DICER1: variants seen among roughly 807,000 people sequenced by gnomAD.
DICER1 encodes endoribonuclease Dicer.
DICER1 carries 43 observed loss-of-function variants against 194.1 expected under a neutral mutation model. That is an observed-to-expected ratio of 0.22 (90% CI 0.17 to 0.29). The LOEUF is 0.29. Ranked by LOEUF, DICER1 falls within the 10% of genes least tolerant of loss-of-function variation. The pLI is 1.00. For synonymous variants in DICER1, 832 were observed against 820.5 expected, an observed-to-expected ratio of 1.01 and a Z score of -0.24; for missense variants, 1,608 against 2,317.0, an observed-to-expected ratio of 0.69 and a Z score of 6.28.
rs1595352097 is a variant in DICER1 at position 95,099,746 on chromosome 14, ACACACACACACACACACACACACAC to A, written c.4206+9_4206+33del. On this transcript the variant is annotated intron_variant, in intron 22 of 26. Transcript: ENST00000343455. Reference sequence around the variant, plus strand: ...TCCCTCCAGTTACACACACACACACACACACACACACACACACACACACACAAACTTACCATTTCATCTTTTTCCC... The same window carrying A: ...TCCCTCCAGTTACACACACACACACAAAACTTACCATTTCATCTTTTTCCC... The A allele has an allele frequency of 1.8e-5, 26 of 1,457,900 alleles. No individual in the cohort carries two copies. The highest frequency in any genetic ancestry group is 2.3e-5 in the Non-Finnish European group (25 of 1,065,098). 90.3% of individuals were successfully genotyped at this position (1,457,900 alleles called of 1,614,324 possible).
rs369630896 is a variant in DICER1 at position 95,112,913 on chromosome 14, A to G, written c.2040+179T>C. On this transcript the variant is annotated intron_variant, in intron 12 of 26. Coordinates refer to ENST00000343455, the MANE Select transcript of DICER1 (RefSeq NM_177438.3). ...GACTACAAAAGCAATCTATAAATCT[A>G]CTTTTGAAAGTAAATTTGGTTTTTA... Among the ~76,000 whole-genome samples, 44 of 152,368 alleles carry G rather than the reference A, an allele frequency of 2.9e-4. 1 individual carries two copies. The East Asian group carries it at 6.7e-3, about 23-fold the overall frequency.
At chr14:95,115,941 T>C in intron 10 of DICER1, 120 bp from the exon 11 acceptor site, 1 of 997,274 alleles carries the variant, frequency 1.0e-6, no homozygotes, top group East Asian at 2.6e-5. Flanking sequence ...TAAACATACT[T>C]CAGTACTCCA....
chr14:95,095,821 T>G lies in DICER1; in HGVS notation c.5095+4A>C, dbSNP rs1890255119. 6.2e-7 allele frequency: 1 copy of G among 1,614,072 alleles called. No individual in the cohort carries two copies. Among genetic ancestry groups the G allele is most frequent in the Non-Finnish European group, 8.5e-7 (1 of 1,179,974 alleles). On this transcript the variant is annotated splice_donor_region_variant and intron_variant, in intron 23 of 26. Coordinates refer to ENST00000343455, the MANE Select transcript of DICER1 (RefSeq NM_177438.3). ...GAAATGAAGTCTGGTCGTGGGCTCC[T>G]TACCAGTGATAGTATTGTAGTGGTA...
At chr14:95,130,242 T>C (rs1233176981) in intron 4 of DICER1, 50 bp from the exon 5 acceptor site, 1 of 1,563,386 alleles carries the variant, frequency 6.4e-7, no homozygotes, top group African/African-American at 1.4e-5. Flanking sequence ...ACTGCCTGGA[T>C]ATACTTACAT....
In DICER1 at chr14:95,096,061, C is replaced by G. The variant is rs1555367601; in HGVS notation, c.4859G>C (p.Ser1620Thr). The G allele has an allele frequency of 6.2e-7, 1 of 1,614,216 alleles. No homozygotes were observed. The highest frequency in any genetic ancestry group is 8.5e-7 in the Non-Finnish European group (1 of 1,180,036). Residue 1620 changes from serine (S) to threonine (T), a missense_variant, in exon 23 of 27, where the codon AGC becomes ACC. Physicochemically the swap from Ser to Thr is moderately conservative, Grantham distance 58. Coordinates refer to ENST00000343455, the MANE Select transcript of DICER1 (RefSeq NM_177438.3). ...FNSQQKNLSVSCAAASVASSR... is the reference protein window; with the variant it reads ...FNSQQKNLSVTCAAASVASSR... ...ACTGGCCACAGAAGCAGCAGCACAG[C>G]TCACTGAAAGGTTCTTTTGTTGGCT...
At chr14:95,147,293 C>T (rs1168890345) in intron 1 of DICER1, among the ~76,000 whole-genome samples, 1 of 152,124 alleles carries the variant, frequency 6.6e-6, no homozygotes, top group East Asian at 1.9e-4. Flanking sequence ...TGGCAAAACC[C>T]CATCTCTACT....
intron 1 of DICER1, among the ~76,000 whole-genome samples, chr14:95,148,137 C>T (rs188603115): frequency 2.0e-3 from 301 of 152,312 alleles, no homozygotes; most frequent in Non-Finnish European, 3.4e-3. Context: ...CCAAGCCCTC[C>T]CAGAGCAAAC....
chr14:95,115,712 CCAT>C lies in DICER1; in HGVS notation c.1859_1861del (p.Asp620del), dbSNP rs751955140. 6 of 1,614,132 alleles carry C rather than the reference CCAT, an allele frequency of 3.7e-6. No homozygotes were observed. The South Asian group carries it at 6.6e-5, about 18-fold the overall frequency. ...CGTGTTGATTGTGACTCGTGGACCACCATCGTCAGGCCTCAACACATATGGTGG... is the reference window on the plus strand; with the variant it reads ...CGTGTTGATTGTGACTCGTGGACCACCGTCAGGCCTCAACACATATGGTGG... On this transcript the variant is annotated inframe_deletion, in exon 11 of 27. Transcript: ENST00000343455.
rs1457724913 is a variant in DICER1, at chr14:95,124,843, G to A, written c.904-175C>T. Among the ~76,000 whole-genome samples, 2 of 152,114 alleles carry A rather than the reference G, an allele frequency of 1.3e-5. No individual in the cohort carries two copies. The highest frequency in any genetic ancestry group is 2.1e-4 in the South Asian group (1 of 4,830). ...CCATTAGCCTTTTCAAGCTCATTTC[G>A]TATGTATATGCCTAGAACCATCTCC... On this transcript the variant is annotated intron_variant, in intron 7 of 26. Coordinates refer to ENST00000343455, the MANE Select transcript of DICER1 (RefSeq NM_177438.3). This position sits in a 1 kb window ranked among gnomAD's most constrained non-coding sequence, Gnocchi z 4.5.
chr14:95,096,007 T>G lies in DICER1; in HGVS notation c.4913A>C (p.Glu1638Ala). The change falls in exon 23 of 27, where the codon GAA becomes GCA. Residue 1638 changes from glutamate to alanine, a missense_variant. Glu to Ala is a moderately radical substitution (Grantham distance 107). Transcript: ENST00000343455. Reference sequence around the variant, plus strand: ...TGGTGGAATCTTCAAACAACCATATTCCGAGTCTTTCAATACAGAAGAGCG... The same window carrying G: ...TGGTGGAATCTTCAAACAACCATATGCCGAGTCTTTCAATACAGAAGAGCG... ...SSRSSVLKDS[E>A]YGCLKIPPRC... 1 of 1,614,232 alleles carries G rather than the reference T, an allele frequency of 6.2e-7. No individual in the cohort carries two copies. Among genetic ancestry groups the G allele is most frequent in the South Asian group, 1.1e-5 (1 of 91,086 alleles).
chr14:95,152,664 G>C (rs903689016), intron 1 of DICER1, among the ~76,000 whole-genome samples: 3 of 152,182 alleles, frequency 2.0e-5, no homozygotes, highest in East Asian at 1.9e-4. Context: ...ATGTTTTGTA[G>C]CATCTTCTTA....
At position 95,107,529 on chromosome 14, in the gene DICER1, C is replaced by A. The variant is rs1326820760; in HGVS notation, c.2804+79G>T. ...CCTCCCAAAGTGCTGGGACTGCAGG[C>A]GTGAGCCACCGTGCCCGACCTAGTG... is the stretch of plus-strand genomic sequence containing the variant. On this transcript the variant is annotated intron_variant, in intron 17 of 26. Transcript: ENST00000343455. The A allele has an allele frequency of 2.8e-6, 4 of 1,446,930 alleles. No homozygotes were observed. The East Asian group carries it at 9.1e-5, about 33-fold the overall frequency. 89.6% of individuals were successfully genotyped at this position (1,446,930 alleles called of 1,614,324 possible).
In DICER1 at chr14:95,124,841, T is replaced by G. The variant is rs1392162164; in HGVS notation, c.904-173A>C. 6.6e-6 allele frequency among the ~76,000 whole-genome samples: 1 copy of G among 152,224 alleles called. No homozygotes were observed. Among genetic ancestry groups the G allele is most frequent in the Admixed American group, 6.5e-5 (1 of 15,280 alleles). On this transcript the variant is annotated intron_variant, in intron 7 of 26. Transcript: ENST00000343455. This position sits in a 1 kb window ranked among gnomAD's most constrained non-coding sequence, Gnocchi z 4.5. ...GGCCATTAGCCTTTTCAAGCTCATTTCGTATGTATATGCCTAGAACCATCT... is the reference window on the plus strand; with the variant it reads ...GGCCATTAGCCTTTTCAAGCTCATTGCGTATGTATATGCCTAGAACCATCT...
At chr14:95,129,768 A>C in intron 5 of DICER1, 136 bp from the exon 6 acceptor site, 1 of 847,902 alleles carries the variant, frequency 1.2e-6, no homozygotes. Context: ...ATGCCACTAT[A>C]CCAAGGACAA....
rs1891330815 is a variant in DICER1, at chr14:95,105,449, G to C, written c.3094-203C>G. Among the ~76,000 whole-genome samples, 1 of 151,878 alleles carries C rather than the reference G, an allele frequency of 6.6e-6. No homozygotes were observed. The highest frequency in any genetic ancestry group is 1.5e-5 in the Non-Finnish European group (1 of 67,982). ...AGAATGATTTTGTGATATATTAATGGGCCAAGTATAAAAACAAAACTCTCA... is the reference window on the plus strand; with the variant it reads ...AGAATGATTTTGTGATATATTAATGCGCCAAGTATAAAAACAAAACTCTCA... On this transcript the variant is annotated intron_variant, in intron 19 of 26. Coordinates refer to ENST00000343455, the MANE Select transcript of DICER1 (RefSeq NM_177438.3). This position sits in a 1 kb window ranked among gnomAD's most constrained non-coding sequence, Gnocchi z 4.9.
At chr14:95,151,068 T>C (rs920416161) in intron 1 of DICER1, among the ~76,000 whole-genome samples, 5 of 152,188 alleles carry the variant, frequency 3.3e-5, no homozygotes, top group African/African-American at 7.2e-5. Flanking sequence ...AAAACCTAAC[T>C]TGAGGTTTAT....
At chr14:95,150,443 G>A (rs759949230) in intron 1 of DICER1, among the ~76,000 whole-genome samples, 25 of 152,154 alleles carry the variant, frequency 1.6e-4, no homozygotes, top group Non-Finnish European at 3.7e-4. Context: ...CTAAGATCAC[G>A]CCACTGCACC....
chr14:95,103,148 A>G (rs747604900), intron 21 of DICER1, among the ~76,000 whole-genome samples, 198 bp downstream of exon 21: 5 of 152,144 alleles, frequency 3.3e-5, no homozygotes, highest in Non-Finnish European at 7.3e-5. Flanking sequence ...ATTGGTGTAA[A>G]GCAATACTCA....
At chr14:95,149,633 C>G (rs1486515934) in intron 1 of DICER1, among the ~76,000 whole-genome samples, 1 of 152,186 alleles carries the variant, frequency 6.6e-6, no homozygotes, top group Non-Finnish European at 1.5e-5. Flanking sequence ...ATACTATACT[C>G]ACATTCATAT....
Sources: gnomAD v4.1 joint callset for allele counts (sites outside exome capture counted in the v4.1 genomes callset) on GRCh38, gnomAD v4.1.1 for gene constraint, Gnocchi (gnomAD v3.1) non-coding constraint, MANE v1.5 for transcripts, NCBI Gene and HGNC (gene_info 2026-07-23, HGNC 2026-07-21) for gene names.